The following UBE2E2 variants were observed in gnomAD, a reference collection of about 807,000 sequenced individuals.
UBE2E2 encodes the protein ubiquitin conjugating enzyme E2 E2.
In UBE2E2, 6 loss-of-function variants were observed where a neutral mutation model predicts 24.7. The observed-to-expected ratio is 0.24, with a 90% CI of 0.13 to 0.48. The LOEUF (loss-of-function observed/expected upper bound fraction) is 0.48, where lower values mean the gene tolerates loss of function less well. Among genes scored for constraint, UBE2E2 ranks in the 20% least tolerant of loss-of-function variants. The pLI is 0.99. For synonymous variants in UBE2E2, 104 were observed against 83.6 expected, an observed-to-expected ratio of 1.24 and a Z score of -1.33; for missense variants, 169 against 245.0, an observed-to-expected ratio of 0.69 and a Z score of 2.07.
intron 4 of UBE2E2, among the ~76,000 whole-genome samples, chr3:23,530,511 C>T (rs1002493172): frequency 6.6e-6 from 1 of 152,064 alleles, no homozygotes; most frequent in Non-Finnish European, 1.5e-5. Flanking sequence ...TGCTTTTTCC[C>T]TTAAACATAT....
At chr3:23,486,413 ATC>A (rs780556825) in intron 3 of UBE2E2, among the ~76,000 whole-genome samples, 22 of 152,138 alleles carry the variant, frequency 1.4e-4, no homozygotes, top group Admixed American at 2.6e-4. Flanking sequence ...AAGCCCTGAG[ATC>A]TGGGTTCCCA....
At chr3:23,444,026 A>G (rs1232411367) in intron 3 of UBE2E2, among the ~76,000 whole-genome samples, 3 of 147,190 alleles carry the variant, frequency 2.0e-5, no homozygotes, top group African/African-American at 7.7e-5. Flanking sequence ...ATTGATACAC[A>G]TCTTCTATCA....
chr3:23,468,761 A>G (rs1698974299), intron 3 of UBE2E2, among the ~76,000 whole-genome samples: 1 of 152,200 alleles, frequency 6.6e-6, no homozygotes, highest in Non-Finnish European at 1.5e-5. Context: ...TCTGGAACTA[A>G]ATAACTGCAT....
At chr3:23,406,672 C>A (rs1161767057) in intron 3 of UBE2E2, among the ~76,000 whole-genome samples, 2 of 152,116 alleles carry the variant, frequency 1.3e-5, no homozygotes, top group Admixed American at 1.3e-4. Context: ...AAAAGATTAT[C>A]TTTGAGGTTA....
At chr3:23,457,179 G>A (rs1412952267) in intron 3 of UBE2E2, among the ~76,000 whole-genome samples, 3 of 152,156 alleles carry the variant, frequency 2.0e-5, no homozygotes, top group East Asian at 1.9e-4. Context: ...TATATGCTGC[G>A]TGTATAGAAA....
chr3:23,345,845 C>A (rs930186030), intron 3 of UBE2E2, among the ~76,000 whole-genome samples: 8 of 151,966 alleles, frequency 5.3e-5, no homozygotes, highest in African/African-American at 7.3e-5. Flanking sequence ...TTTCTTCATT[C>A]CTTTCAAATT....
chr3:23,351,536 A>G (rs1015602653), intron 3 of UBE2E2, among the ~76,000 whole-genome samples: 9 of 152,206 alleles, frequency 5.9e-5, no homozygotes, highest in African/African-American at 2.2e-4. Context: ...AAGATGGAGG[A>G]AGGTCTACCA....
chr3:23,319,195 A>T (rs1368646186), intron 3 of UBE2E2, among the ~76,000 whole-genome samples: 1 of 152,244 alleles, frequency 6.6e-6, no homozygotes, highest in African/African-American at 2.4e-5. Flanking sequence ...ATCTGGTTTT[A>T]TAAACTTTTT....
chr3:23,513,168 C>A (rs1694647717), intron 4 of UBE2E2, among the ~76,000 whole-genome samples: 1 of 152,000 alleles, frequency 6.6e-6, no homozygotes, highest in Non-Finnish European at 1.5e-5. Flanking sequence ...TTTCTCTCTT[C>A]CAGACATCAC....
chr3:23,498,172 G>A (rs1699645814), intron 3 of UBE2E2, among the ~76,000 whole-genome samples: 1 of 151,774 alleles, frequency 6.6e-6, no homozygotes, highest in African/African-American at 2.4e-5. Context: ...CTAGTATTTG[G>A]TCACTTTTAT....
intron 3 of UBE2E2, among the ~76,000 whole-genome samples, chr3:23,301,073 C>G (rs191629040): frequency 6.6e-6 from 1 of 152,322 alleles, no homozygotes; most frequent in East Asian, 1.9e-4. Context: ...CAACTGATCA[C>G]ATTGGCTCCT....
At chr3:23,446,229 A>G (rs1698427632) in intron 3 of UBE2E2, among the ~76,000 whole-genome samples, 1 of 152,194 alleles carries the variant, frequency 6.6e-6, no homozygotes, top group Admixed American at 6.5e-5. Flanking sequence ...CTTTTTCTTA[A>G]CAGTAGATTT....
intron 3 of UBE2E2, among the ~76,000 whole-genome samples, chr3:23,239,980 T>TG (rs1697215557): frequency 6.6e-6 from 1 of 152,202 alleles, no homozygotes; most frequent in Non-Finnish European, 1.5e-5. Context: ...TTTTGAGGCA[T>TG]GTAGGGCTCT....
chr3:23,228,950 A>G (rs976839482), intron 3 of UBE2E2, among the ~76,000 whole-genome samples: 10 of 151,502 alleles, frequency 6.6e-5, no homozygotes, highest in African/African-American at 2.2e-4. Flanking sequence ...CTCTTACACC[A>G]GAGCCAAGAT....
intron 5 of UBE2E2, among the ~76,000 whole-genome samples, chr3:23,559,397 C>T (rs953779456): frequency 1.3e-5 from 2 of 152,266 alleles, no homozygotes; most frequent in East Asian, 3.9e-4. Flanking sequence ...CCTCACCACA[C>T]ACTAGATTAC....
At chr3:23,400,641 C>CACAT (rs954347007) in intron 3 of UBE2E2, among the ~76,000 whole-genome samples, 3 of 149,914 alleles carry the variant, frequency 2.0e-5, no homozygotes, top group Non-Finnish European at 3.0e-5. Flanking sequence ...CACACACACA[C>CACAT]ATCTCAGGCC....
intron 3 of UBE2E2, among the ~76,000 whole-genome samples, chr3:23,295,627 C>A (rs749081109): frequency 6.6e-6 from 1 of 152,066 alleles, no homozygotes; most frequent in Non-Finnish European, 1.5e-5. Context: ...TTTCGAATAT[C>A]GGTGGCTAGT....
At chr3:23,232,244 C>T (rs1696994918) in intron 3 of UBE2E2, among the ~76,000 whole-genome samples, 1 of 152,200 alleles carries the variant, frequency 6.6e-6, no homozygotes, top group Non-Finnish European at 1.5e-5. Context: ...TCACTTTGTA[C>T]ATTCCAAGGA....
intron 3 of UBE2E2, among the ~76,000 whole-genome samples, chr3:23,490,553 A>G (rs1384608642): frequency 1.3e-5 from 2 of 152,172 alleles, no homozygotes; most frequent in Admixed American, 6.5e-5. Flanking sequence ...ATTGCAAGGT[A>G]TCCACACATT....
Sources: allele counts gnomAD v4.1 joint callset (sites outside exome capture counted in the v4.1 genomes callset), GRCh38; gene constraint gnomAD v4.1.1; transcripts MANE v1.5; gene names NCBI Gene and HGNC (gene_info 2026-07-23, HGNC 2026-07-21).